LRBA: variants seen among roughly 807,000 people sequenced by gnomAD.
LRBA encodes the protein LPS responsive beige-like anchor protein.
In LRBA, 176 loss-of-function variants were observed where a neutral mutation model predicts 330.0. The observed-to-expected ratio is 0.53, with a 90% CI of 0.47 to 0.60. The LOEUF (loss-of-function observed/expected upper bound fraction) is 0.60, where lower values mean the gene tolerates loss of function less well. Among genes scored for constraint, LRBA ranks in the 20% least tolerant of loss-of-function variants. LRBA has a pLI of 0.00. For synonymous variants in LRBA, 1,230 were observed against 1,193.0 expected, an observed-to-expected ratio of 1.03 and a Z score of -0.64; for missense variants, 3,259 against 3,444.8, an observed-to-expected ratio of 0.95 and a Z score of 1.35.
chr4:150,303,515 G>T (rs1371155933), intron 52 of LRBA, among the ~76,000 whole-genome samples: 1 of 152,130 alleles, frequency 6.6e-6, no homozygotes, highest in African/African-American at 2.4e-5. Context: ...ACACAGAACA[G>T]TTGTTCATGT....
At chr4:150,985,804 C>A (rs994904702) in intron 2 of LRBA, among the ~76,000 whole-genome samples, 2 of 152,126 alleles carry the variant, frequency 1.3e-5, no homozygotes, top group Admixed American at 1.3e-4. Context: ...AGTTGAATTG[C>A]ACGTTTTTAA....
chr4:150,773,150 C>T (rs1262672000), intron 34 of LRBA, among the ~76,000 whole-genome samples: 1 of 152,144 alleles, frequency 6.6e-6, no homozygotes, highest in East Asian at 1.9e-4. Flanking sequence ...CTGGTAGTTA[C>T]AACTTCTTGC....
chr4:150,836,455 AT>A (rs759273698), intron 28 of LRBA, among the ~76,000 whole-genome samples: 11 of 152,124 alleles, frequency 7.2e-5, no homozygotes, highest in Non-Finnish European at 1.3e-4. Context: ...TTGTTAGGCT[AT>A]TAATTATTGC....
intron 44 of LRBA, among the ~76,000 whole-genome samples, chr4:150,443,935 A>C (rs1259761693): frequency 7.0e-6 from 1 of 141,928 alleles, no homozygotes; most frequent in Non-Finnish European, 1.5e-5. Context: ...TCCCAGAGTG[A>C]TTTGGGTTGT....
intron 13 of LRBA, 70 bp from the exon 14 acceptor site, chr4:150,900,287 G>C (rs1484351486): frequency 8.5e-7 from 1 of 1,179,782 alleles, no homozygotes; most frequent in Non-Finnish European, 1.2e-6. Flanking sequence ...ACACTTCCAG[G>C]CTGTTTTATT....
intron 47 of LRBA, among the ~76,000 whole-genome samples, chr4:150,356,139 C>G (rs982974705): frequency 1.3e-4 from 19 of 151,948 alleles, no homozygotes; most frequent in Non-Finnish European, 1.5e-5. Context: ...GTCCTTTCAA[C>G]TTTTTTATTC....
chr4:150,381,306 C>A (rs988391233), intron 47 of LRBA, among the ~76,000 whole-genome samples: 1 of 152,122 alleles, frequency 6.6e-6, no homozygotes, highest in African/African-American at 2.4e-5. Context: ...AATTCAGAGC[C>A]CTTTCATCAC....
intron 2 of LRBA, among the ~76,000 whole-genome samples, chr4:150,976,909 G>C (rs1162198697): frequency 1.3e-5 from 2 of 152,238 alleles, no homozygotes; most frequent in African/African-American, 4.8e-5. Context: ...CACCTACAGA[G>C]AGAGTATTAA....
intron 51 of LRBA, chr4:150,315,270 A>C (rs566218541): frequency 2.2e-6 from 1 of 463,656 alleles, no homozygotes; most frequent in African/African-American, 2.1e-5. Flanking sequence ...GAAAAGATCC[A>C]ATATTATCCT....
chr4:150,976,799 C>T (rs1017183426), intron 2 of LRBA, among the ~76,000 whole-genome samples: 3 of 152,134 alleles, frequency 2.0e-5, no homozygotes, highest in Admixed American at 6.5e-5. Flanking sequence ...AGCACCTACG[C>T]GCCTGGGAGT....
At chr4:150,701,095 G>T (rs985031716) in intron 36 of LRBA, among the ~76,000 whole-genome samples, 11 of 152,072 alleles carry the variant, frequency 7.2e-5, no homozygotes, top group Admixed American at 7.2e-4. Flanking sequence ...TTTAAATTTT[G>T]TTAAAAAGTG....
intron 40 of LRBA, among the ~76,000 whole-genome samples, chr4:150,552,235 A>G (rs1444180789): frequency 2.0e-5 from 3 of 152,180 alleles, no homozygotes; most frequent in Non-Finnish European, 2.9e-5. Flanking sequence ...ATACAAAAAT[A>G]CAGTTTATGC....
chr4:150,570,976 T>TGATGCCTGATGCATATA lies in LRBA; in HGVS notation c.6330+17071_6330+17072insTATATGCATCAGGCATC, dbSNP rs892543904. Among the ~76,000 whole-genome samples the TGATGCCTGATGCATATA allele has an allele frequency of 2.0e-5, 3 of 152,162 alleles. No homozygotes were observed. In the East Asian group the frequency reaches 5.8e-4, roughly 29 times the overall value. On this transcript the variant is annotated intron_variant, in intron 40 of 56. Coordinates refer to ENST00000651943, the MANE Select transcript of LRBA (RefSeq NM_001364905.1). ...GCTTTTGCTTACTGATGCCTATTAC[T>TGATGCCTGATGCATATA]GAGGCCTCTCCCTCTATATGCTGTA... is the stretch of plus-strand genomic sequence containing the variant.
chr4:150,711,261 A>T (rs1786176399), intron 36 of LRBA, among the ~76,000 whole-genome samples: 1 of 150,252 alleles, frequency 6.7e-6, no homozygotes, highest in Admixed American at 6.6e-5. Flanking sequence ...TTTGAGAAAG[A>T]GTCTCACTGT....
chr4:150,448,792 AAC>A (rs1235691544), intron 44 of LRBA, among the ~76,000 whole-genome samples: 5 of 110,652 alleles, frequency 4.5e-5, no homozygotes, highest in African/African-American at 1.7e-4. Context: ...ATAAGAGTGA[AAC>A]AGTGTTTCAA....
intron 29 of LRBA, among the ~76,000 whole-genome samples, chr4:150,830,525 A>G (rs1747014908): frequency 6.6e-6 from 1 of 152,176 alleles, no homozygotes; most frequent in Admixed American, 6.5e-5. Flanking sequence ...ATATACTATT[A>G]GAAAAGTCAT....
chr4:150,349,828 T>A lies in LRBA; in HGVS notation c.7362+164A>T, dbSNP rs547801594. Among the ~76,000 whole-genome samples the A allele has an allele frequency of 6.6e-5, 10 of 152,356 alleles. No homozygotes were observed. The South Asian group carries it at 1.7e-3, about 25-fold the overall frequency. On this transcript the variant is annotated intron_variant, in intron 48 of 56. Transcript: ENST00000651943. ...ATTTTGTTGGAAGGAACCTCTGGGT[T>A]CAAGTTCTTGCTAGGTCACTGATAA...
chr4:150,661,820 A>G (rs544224181), intron 37 of LRBA, among the ~76,000 whole-genome samples: 16 of 152,046 alleles, frequency 1.1e-4, no homozygotes, highest in East Asian at 3.9e-4. Flanking sequence ...ATAGGGTTTC[A>G]CCACGTTGGC....
intron 46 of LRBA, among the ~76,000 whole-genome samples, chr4:150,418,509 A>G (rs1010904012): frequency 2.0e-5 from 3 of 152,192 alleles, no homozygotes; most frequent in Non-Finnish European, 4.4e-5. Flanking sequence ...GAAGGTAATA[A>G]CCATCAGTTT....
Sources: allele counts gnomAD v4.1 joint callset (sites outside exome capture counted in the v4.1 genomes callset), GRCh38; gene constraint gnomAD v4.1.1; transcripts MANE v1.5; gene names NCBI Gene and HGNC (gene_info 2026-07-23, HGNC 2026-07-21).